The following NID1 variants were observed in gnomAD, a reference collection of about 807,000 sequenced individuals.
NID1 encodes nidogen 1, also known as nidogen-1.
In NID1, 76 loss-of-function variants were observed where a neutral mutation model predicts 130.6. The ratio of observed to expected loss-of-function variants is 0.58; its 90% CI spans 0.48 to 0.70. NID1 has a LOEUF of 0.70. Among genes scored for constraint, NID1 ranks in the 30% least tolerant of loss-of-function variants. NID1 has a pLI of 0.00. For synonymous variants in NID1, 665 were observed against 675.1 expected (o/e 0.98, Z 0.23); for missense variants, 1,517 against 1,664.8 (o/e 0.91, Z 1.54).
chr1:236,014,162 A>G (rs139611428), intron 10 of NID1, among the ~76,000 whole-genome samples: 382 of 152,234 alleles, frequency 2.5e-3, no homozygotes, highest in African/African-American at 8.8e-3. Context: ...ACCAGGTACC[A>G]TGGGTCAACC....
intron 1 of NID1, among the ~76,000 whole-genome samples, chr1:236,050,387 C>G (rs1466412876): frequency 6.6e-6 from 1 of 151,856 alleles, no homozygotes; most frequent in East Asian, 2.0e-4. Context: ...AACCCTGTCT[C>G]TAATAAAAAT....
chr1:235,991,099 C>T (rs779545735), intron 13 of NID1, 41 bp from the exon 14 acceptor site: 4 of 1,512,340 alleles, frequency 2.6e-6, no homozygotes, highest in Non-Finnish European at 3.5e-6. Flanking sequence ...CCCGTGTGCA[C>T]CAGGAACACA....
At chr1:236,052,887 C>A (rs1218806426) in intron 1 of NID1, among the ~76,000 whole-genome samples, 3 of 151,748 alleles carry the variant, frequency 2.0e-5, no homozygotes, top group African/African-American at 7.3e-5. Context: ...CTGGAATAAG[C>A]AGCTGGAAAA....
At chr1:235,984,511 C>A (rs1657520892) in intron 15 of NID1, among the ~76,000 whole-genome samples, 1 of 152,208 alleles carries the variant, frequency 6.6e-6, no homozygotes, top group South Asian at 2.1e-4. Context: ...ACATTCAGTG[C>A]CAAGTAAAAA....
At chr1:235,980,391 T>C (rs1657402246) in intron 17 of NID1, 105 bp downstream of exon 17, 6 of 1,165,550 alleles carry the variant, frequency 5.1e-6, no homozygotes, top group Admixed American at 2.4e-5. Context: ...TTCTGGGTTA[T>C]ATAAAAACAG....
At chr1:235,991,124 C>T in intron 13 of NID1, 66 bp from the exon 14 acceptor site, 3 of 1,321,808 alleles carry the variant, frequency 2.3e-6, no homozygotes, top group Non-Finnish European at 3.1e-6. Flanking sequence ...TGCACACACA[C>T]ACACCCCCAC....
intron 3 of NID1, among the ~76,000 whole-genome samples, chr1:236,043,159 C>A (rs1659504126): frequency 6.6e-6 from 1 of 152,142 alleles, no homozygotes; most frequent in Admixed American, 6.5e-5. Flanking sequence ...AGAGTTGTAT[C>A]CTTTAGAATG....
At chr1:236,051,307 C>A (rs535703970) in intron 1 of NID1, among the ~76,000 whole-genome samples, 1 of 141,072 alleles carries the variant, frequency 7.1e-6, no homozygotes, top group Admixed American at 7.0e-5. Context: ...GAGTCTTATC[C>A]CTCAGTCACT....
In NID1 at chr1:236,032,636, G is replaced by C; in HGVS notation, c.1302C>G (p.Val434=). The C allele has an allele frequency of 6.2e-7, 1 of 1,614,144 alleles. No individual in the cohort carries two copies. Among genetic ancestry groups the C allele is most frequent in the Non-Finnish European group, 8.5e-7 (1 of 1,180,032 alleles). Residue 434 remains valine, a synonymous_variant, in exon 6 of 20, where the codon GTC becomes GTG. Coordinates refer to ENST00000264187, the MANE Select transcript of NID1 (RefSeq NM_002508.3). ...AGATCCTTCCTTTCACCTTGCCATT[G>C]ACTCGCTGGGGGGAACCTGAGCAAG... is the stretch of plus-strand genomic sequence containing the variant. ...QCVAEGSPQR[V]NGKVKGRIFV... is the part of the protein sequence containing the mutation.
chr1:235,982,037 C>T (rs777467204), intron 15 of NID1, among the ~76,000 whole-genome samples: 4 of 152,276 alleles, frequency 2.6e-5, no homozygotes, highest in African/African-American at 9.6e-5. Context: ...ATGACTAAGC[C>T]GAGGCCCAGT....
chr1:236,009,156 C>T (rs1204049891), intron 12 of NID1, among the ~76,000 whole-genome samples: 1 of 152,148 alleles, frequency 6.6e-6, no homozygotes, highest in Non-Finnish European at 1.5e-5. Context: ...GGGGTGAGGC[C>T]ACCAGCAGGT....
intron 1 of NID1, among the ~76,000 whole-genome samples, chr1:236,061,457 TTC>T (rs1380047496): frequency 1.3e-5 from 2 of 152,180 alleles, no homozygotes; most frequent in African/African-American, 2.4e-5. Flanking sequence ...TGAAGGATTC[TTC>T]TCTTTTTTTT....
intron 2 of NID1, 100 bp downstream of exon 2, chr1:236,048,590 A>G (rs904981362): frequency 1.3e-5 from 17 of 1,302,846 alleles, no homozygotes; most frequent in Non-Finnish European, 1.8e-5. Flanking sequence ...GTCTTTATCA[A>G]TGGTGTATAA....
chr1:236,064,983 C>G lies in NID1; in HGVS notation c.97G>C (p.Glu33Gln). Residue 33 changes from glutamate to glutamine, a missense_variant, in exon 1 of 20, where the codon GAG becomes CAG. By Grantham distance (29) the Glu-to-Gln change is conservative (BLOSUM62 2). This residue lies in a region of NID1 where 1,329 missense variants were observed against 1,429.2 expected (regional missense o/e 0.93). Transcript: ENST00000264187. ...TGTCCGGGGCCGAAGGGAAAGAGCT[C>G]CTGGCGGCTCAGGCAGCCCACAGGC... ...AGPVGCLSRQ[E>Q]LFPFGPGQGD... The G allele has an allele frequency of 4.4e-6, 7 of 1,574,412 alleles. No homozygotes were observed. Among genetic ancestry groups the G allele is most frequent in the Non-Finnish European group, 6.0e-6 (7 of 1,160,824 alleles).
chr1:236,024,197 A>G lies in NID1; in HGVS notation c.2001T>C (p.Ala667=), dbSNP rs755470560. ...IGPVREGSPD[A]LQNPCYIGTH... is the part of the protein sequence containing the mutation. ...TGCCGATGTAGCAGGGATTCTGAAG[A>G]GCATCAGGGGAGCCTTCTGTGAAGA... The change falls in exon 9 of 20, where the codon GCT becomes GCC. Residue 667 remains alanine (A), a synonymous_variant. Coordinates refer to ENST00000264187, the MANE Select transcript of NID1 (RefSeq NM_002508.3). The G allele has an allele frequency of 4.3e-6, 7 of 1,614,258 alleles. No homozygotes were observed. Among genetic ancestry groups the G allele is most frequent in the Non-Finnish European group, 5.1e-6 (6 of 1,180,038 alleles).
chr1:236,056,965 T>C (rs1338037564), intron 1 of NID1, among the ~76,000 whole-genome samples: 1 of 152,182 alleles, frequency 6.6e-6, no homozygotes, highest in Middle Eastern at 3.2e-3. Context: ...TCACTACATT[T>C]GTACTAGTTT....
intron 4 of NID1, among the ~76,000 whole-genome samples, chr1:236,039,767 A>G (rs1160464903): frequency 6.6e-5 from 10 of 152,170 alleles, no homozygotes; most frequent in Non-Finnish European, 1.2e-4. Context: ...TCGGAAGGGA[A>G]TTTCTGGCTT....
chr1:236,024,094 G>A lies in NID1; in HGVS notation c.2104C>T (p.Arg702Ter). Residue 702 changes from arginine (R) to a stop codon, truncating the protein, a stop_gained, in exon 9 of 20, where the codon CGA (arginine) becomes TGA (stop). Coordinates refer to ENST00000264187, the MANE Select transcript of NID1 (RefSeq NM_002508.3). LOFTEE classifies it high-confidence loss of function. ...CCATAGCAGGTTCGCCCGTCTCCTC[G>A]GAAGCCGATGGAGCACTCGCAGGTG... ...QFTCECSIGFRGDGRTCYDID... is the reference protein window; with the variant it reads ...QFTCECSIGF The A allele has an allele frequency of 6.2e-7, 1 of 1,614,174 alleles. No individual in the cohort carries two copies. The highest frequency in any genetic ancestry group is 8.5e-7 in the Non-Finnish European group (1 of 1,180,054).
intron 14 of NID1, among the ~76,000 whole-genome samples, chr1:235,986,610 G>T (rs1657580040): frequency 6.6e-6 from 1 of 152,132 alleles, no homozygotes. Flanking sequence ...ACAGACATGT[G>T]CCAGCACACC....
Sources: allele counts gnomAD v4.1 joint callset (sites outside exome capture counted in the v4.1 genomes callset), GRCh38; gene constraint gnomAD v4.1.1; regional missense constraint gnomAD v4.1.1; transcripts MANE v1.5; gene names NCBI Gene and HGNC (gene_info 2026-07-23, HGNC 2026-07-21).